HIBADH: variants seen among roughly 807,000 people sequenced by gnomAD.
The protein encoded by HIBADH is 3-hydroxyisobutyrate dehydrogenase, also known as 3-hydroxyisobutyrate dehydrogenase, mitochondrial.
HIBADH carries 25 observed loss-of-function variants against 36.1 expected under a neutral mutation model. The ratio of observed to expected loss-of-function variants is 0.69; its 90% CI spans 0.50 to 0.97. HIBADH has a LOEUF of 0.97. Ranked by LOEUF, HIBADH falls within the 50% of genes least tolerant of loss-of-function variation. The pLI, the probability that HIBADH is intolerant of heterozygous loss-of-function variation, is 0.00. For missense variants in HIBADH, 421 were observed against 418.0 expected, an observed-to-expected ratio of 1.01 and a Z score of -0.06; for synonymous variants, 160 against 149.5, an observed-to-expected ratio of 1.07 and a Z score of -0.51.
rs1022122800 is a variant in HIBADH at position 27,594,002 on chromosome 7, G to A, written c.484+35369C>T. ...TGCGCCACTGCACTCCAGCCTGGGC[G>A]ACAGAGCGAGACTCCGTCTCAAAAA... On this transcript the variant is annotated intron_variant, in intron 4 of 7. Transcript: ENST00000265395. Among the ~76,000 whole-genome samples the A allele has an allele frequency of 6.2e-4, 93 of 150,352 alleles. 1 individual carries two copies. Among genetic ancestry groups the A allele is most frequent in the Non-Finnish European group, 1.6e-4 (11 of 67,660 alleles).
chr7:27,536,577 A>G (rs1238561091), intron 6 of HIBADH, among the ~76,000 whole-genome samples: 4 of 152,098 alleles, frequency 2.6e-5, no homozygotes, highest in African/African-American at 9.7e-5. Flanking sequence ...CCTTGAAAAC[A>G]AACCCACTAC....
intron 4 of HIBADH, among the ~76,000 whole-genome samples, chr7:27,597,815 A>C (rs1231201896): frequency 1.3e-5 from 2 of 152,246 alleles, no homozygotes; most frequent in Non-Finnish European, 2.9e-5. Context: ...TTTCAGATCC[A>C]AGATCAAATT....
intron 1 of HIBADH, among the ~76,000 whole-genome samples, chr7:27,659,673 G>A (rs532351228): frequency 6.6e-6 from 1 of 152,320 alleles, no homozygotes; most frequent in African/African-American, 2.4e-5. Flanking sequence ...AATGAGCCAT[G>A]ATTGCACCAC....
At chr7:27,622,295 G>A (rs1009912074) in intron 4 of HIBADH, among the ~76,000 whole-genome samples, 4 of 151,996 alleles carry the variant, frequency 2.6e-5, no homozygotes, top group African/African-American at 9.7e-5. Flanking sequence ...AAAATTTATT[G>A]GAACAAATGA....
chr7:27,611,860 CTTTCAGTGAAA>C (rs1399264838), intron 4 of HIBADH, among the ~76,000 whole-genome samples: 1 of 152,136 alleles, frequency 6.6e-6, no homozygotes, highest in Non-Finnish European at 1.5e-5. Flanking sequence ...AGAGCAACTC[CTTTCAGTGAAA>C]CACTCTTCTC....
At chr7:27,631,895 CG>C (rs1430186367) in intron 3 of HIBADH, among the ~76,000 whole-genome samples, 2 of 152,174 alleles carry the variant, frequency 1.3e-5, no homozygotes. Flanking sequence ...TTACTACAAA[CG>C]TACTAACCCA....
chr7:27,586,546 T>C (rs12539707), intron 4 of HIBADH, among the ~76,000 whole-genome samples: 115,358 of 151,984 alleles, frequency 0.76, 44,235 homozygotes, highest in East Asian at 0.94. Context: ...GAGCAATCAA[T>C]ACTCTAAAAG....
At chr7:27,606,833 TTC>T (rs1216871088) in intron 4 of HIBADH, among the ~76,000 whole-genome samples, 5 of 152,234 alleles carry the variant, frequency 3.3e-5, no homozygotes, top group South Asian at 2.1e-4. Flanking sequence ...ATAGTTTACA[TTC>T]CCACTTTGGA....
intron 4 of HIBADH, among the ~76,000 whole-genome samples, chr7:27,592,002 T>G (rs567530639): frequency 6.6e-6 from 1 of 152,300 alleles, no homozygotes; most frequent in Non-Finnish European, 1.5e-5. Flanking sequence ...AATATCAAAC[T>G]TCCATATTTA....
At chr7:27,592,007 T>C (rs564396757) in intron 4 of HIBADH, among the ~76,000 whole-genome samples, 14 of 152,226 alleles carry the variant, frequency 9.2e-5, no homozygotes, top group Non-Finnish European at 1.8e-4. Context: ...CAAACTTCCA[T>C]ATTTAAGCAA....
At chr7:27,532,461 T>C (rs1396493851) in intron 6 of HIBADH, among the ~76,000 whole-genome samples, 1 of 152,246 alleles carries the variant, frequency 6.6e-6, no homozygotes, top group Non-Finnish European at 1.5e-5. Flanking sequence ...CATGCCTGTT[T>C]ATTTCAAAAT....
At chr7:27,564,851 T>C (rs1784521904) in intron 4 of HIBADH, among the ~76,000 whole-genome samples, 2 of 152,162 alleles carry the variant, frequency 1.3e-5, no homozygotes, top group African/African-American at 4.8e-5. Flanking sequence ...TTTAGATTTA[T>C]AGCAAGTAAT....
chr7:27,565,268 A>C (rs1484160037), intron 4 of HIBADH, among the ~76,000 whole-genome samples: 1 of 152,176 alleles, frequency 6.6e-6, no homozygotes, highest in Non-Finnish European at 1.5e-5. Flanking sequence ...AACCACAACA[A>C]AGGCTCTTGC....
intron 4 of HIBADH, among the ~76,000 whole-genome samples, chr7:27,603,489 C>T (rs1004158374): frequency 3.9e-5 from 6 of 151,932 alleles, no homozygotes; most frequent in Admixed American, 3.9e-4. Context: ...TAAAATATTA[C>T]ACATGCAGAT....
chr7:27,581,906 C>A (rs1450488115), intron 4 of HIBADH, among the ~76,000 whole-genome samples: 2 of 151,220 alleles, frequency 1.3e-5, no homozygotes, highest in African/African-American at 4.9e-5. Flanking sequence ...AAACACAGAT[C>A]CTCTAGAAAA....
chr7:27,609,782 C>A (rs982264460), intron 4 of HIBADH, among the ~76,000 whole-genome samples: 2 of 151,896 alleles, frequency 1.3e-5, no homozygotes, highest in African/African-American at 4.8e-5. Context: ...TAAATAACAG[C>A]AGTTGCTAAT....
At chr7:27,579,841 G>C (rs1234113502) in intron 4 of HIBADH, among the ~76,000 whole-genome samples, 2 of 152,160 alleles carry the variant, frequency 1.3e-5, no homozygotes, top group African/African-American at 4.8e-5. Flanking sequence ...AAAGCAGCGA[G>C]GTATCTTTAC....
chr7:27,647,693 GAAAT>G, intron 2 of HIBADH: 1 of 419,844 alleles, frequency 2.4e-6, no homozygotes, highest in South Asian at 1.8e-5. Context: ...CAACACTAAA[GAAAT>G]AAGAAACTTG....
intron 4 of HIBADH, among the ~76,000 whole-genome samples, chr7:27,617,505 C>G (rs1785451642): frequency 6.6e-6 from 1 of 152,100 alleles, no homozygotes; most frequent in African/African-American, 2.4e-5. Context: ...AGATACCAGA[C>G]AGCCACCCTC....
Sources: allele counts gnomAD v4.1 joint callset (sites outside exome capture counted in the v4.1 genomes callset), GRCh38; gene constraint gnomAD v4.1.1; transcripts MANE v1.5; gene names NCBI Gene and HGNC (gene_info 2026-07-23, HGNC 2026-07-21).